PAM: variants seen among roughly 807,000 people sequenced by gnomAD.
PAM encodes the protein peptidylglycine alpha-amidating monooxygenase.
Under a neutral mutation model 122.1 loss-of-function variants are expected in PAM, and 72 were observed. The observed-to-expected ratio is 0.59, with a 90% CI of 0.49 to 0.72. The LOEUF (loss-of-function observed/expected upper bound fraction) is 0.72, where lower values mean the gene tolerates loss of function less well. Among genes scored for constraint, PAM ranks in the 30% least tolerant of loss-of-function variants. PAM has a pLI of 0.00. For missense variants in PAM, 1,106 were observed against 1,183.7 expected, an observed-to-expected ratio of 0.93 and a Z score of 0.96; for synonymous variants, 389 against 404.4, an observed-to-expected ratio of 0.96 and a Z score of 0.46.
chr5:102,988,783 G>C (rs571715035), intron 15 of PAM, among the ~76,000 whole-genome samples: 1 of 152,102 alleles, frequency 6.6e-6, no homozygotes, highest in East Asian at 1.9e-4. Flanking sequence ...ACTAATCTGG[G>C]CATCCTATTG....
intron 4 of PAM, among the ~76,000 whole-genome samples, chr5:102,904,983 GTATT>G (rs1375042121): frequency 6.6e-6 from 1 of 151,492 alleles, no homozygotes; most frequent in Non-Finnish European, 1.5e-5. Flanking sequence ...CTATATATCT[GTATT>G]TAATTATTGA....
Position 102,974,322 on chromosome 5 carries a change from A to G in PAM, c.1369A>G (p.Arg457Gly). The G allele has an allele frequency of 1.2e-6, 2 of 1,613,942 alleles. No homozygotes were observed. Among genetic ancestry groups the G allele is most frequent in the Non-Finnish European group, 1.7e-6 (2 of 1,179,804 alleles). ...GGGTAATGCTATTCTTGTCAGAGAC[A>G]GAATTCACAAATTCCACAGACTAGT... ...ERGNAILVRDRIHKFHRLVST... is the reference protein window; with the variant it reads ...ERGNAILVRDGIHKFHRLVST... The change falls in exon 15 of 26, where the codon AGA (arginine) becomes GGA (glycine). Residue 457 changes from arginine to glycine, a missense_variant. By Grantham distance (125) the Arg-to-Gly change is moderately radical. Coordinates refer to ENST00000438793, the MANE Select transcript of PAM (RefSeq NM_001177306.2).
intron 3 of PAM, among the ~76,000 whole-genome samples, chr5:102,885,640 A>G (rs1792813523): frequency 6.6e-6 from 1 of 151,986 alleles, no homozygotes; most frequent in South Asian, 2.1e-4. Flanking sequence ...AATGGAGAAA[A>G]TTGTGGCCAG....
At chr5:102,912,032 ACT>A (rs1801564196) in intron 4 of PAM, among the ~76,000 whole-genome samples, 1 of 152,094 alleles carries the variant, frequency 6.6e-6, no homozygotes, top group Non-Finnish European at 1.5e-5. Flanking sequence ...CAGAATTCTG[ACT>A]CTCTGCTGGA....
intron 1 of PAM, among the ~76,000 whole-genome samples, chr5:102,811,736 A>G (rs923453425): frequency 1.3e-5 from 2 of 152,232 alleles, no homozygotes; most frequent in Admixed American, 6.5e-5. Context: ...AAATTAAACT[A>G]GTGATTGCCA....
intron 1 of PAM, among the ~76,000 whole-genome samples, chr5:102,859,335 AG>A (rs1783472593): frequency 4.9e-5 from 7 of 142,314 alleles, no homozygotes; most frequent in African/African-American, 1.8e-4. Context: ...GGCCCAGGCT[AG>A]TGTGTGTGTG....
At chr5:102,970,374 A>G (rs1420281581) in intron 14 of PAM, among the ~76,000 whole-genome samples, 1 of 152,216 alleles carries the variant, frequency 6.6e-6, no homozygotes, top group South Asian at 2.1e-4. Flanking sequence ...CAGTGCAGAC[A>G]TAGATTACAT....
At chr5:102,864,985 G>A (rs184768914) in intron 1 of PAM, among the ~76,000 whole-genome samples, 5 of 152,090 alleles carry the variant, frequency 3.3e-5, no homozygotes, top group Non-Finnish European at 7.4e-5. Flanking sequence ...CCTCTCATTT[G>A]TATTAATGTG....
At chr5:102,760,186 C>G (rs1751887344) in intron 1 of PAM, among the ~76,000 whole-genome samples, 1 of 152,152 alleles carries the variant, frequency 6.6e-6, no homozygotes, top group Non-Finnish European at 1.5e-5. Context: ...GTTTTACTGT[C>G]CAGTTTAAAA....
intron 20 of PAM, among the ~76,000 whole-genome samples, chr5:103,009,535 C>T (rs140136494): frequency 1.2e-4 from 19 of 152,142 alleles, no homozygotes; most frequent in African/African-American, 4.6e-4. Context: ...TTTCAGTTCC[C>T]GATTTTCCTG....
chr5:102,874,451 G>A (rs1052365109), intron 3 of PAM, among the ~76,000 whole-genome samples: 1 of 151,148 alleles, frequency 6.6e-6, no homozygotes, highest in Non-Finnish European at 1.5e-5. Flanking sequence ...GGGAAGATAC[G>A]ATTGAACTAT....
At chr5:102,760,825 G>C (rs1752102399) in intron 1 of PAM, among the ~76,000 whole-genome samples, 1 of 152,154 alleles carries the variant, frequency 6.6e-6, no homozygotes, top group South Asian at 2.1e-4. Context: ...CTTAGTTCAG[G>C]CCTCTTGGGG....
intron 1 of PAM, among the ~76,000 whole-genome samples, chr5:102,759,858 A>G (rs1305336817): frequency 1.3e-5 from 2 of 152,198 alleles, no homozygotes; most frequent in African/African-American, 4.8e-5. Flanking sequence ...GATGCAGTCT[A>G]GCTACTGTAT....
intron 1 of PAM, among the ~76,000 whole-genome samples, chr5:102,782,725 CTGTGTGTGTGTGTGTG>C (rs35149404): frequency 1.4e-5 from 2 of 140,122 alleles, no homozygotes; most frequent in Non-Finnish European, 3.1e-5. Flanking sequence ...CTCTCTCTCT[CTGTGTGTGTGTGTGTG>C]TGTGTGTGTG....
At chr5:102,941,616 T>C (rs2151904139) in intron 7 of PAM, among the ~76,000 whole-genome samples, 1 of 152,248 alleles carries the variant, frequency 6.6e-6, no homozygotes, top group East Asian at 1.9e-4. Flanking sequence ...TATCTCGATG[T>C]ATCTGTAACT....
intron 11 of PAM, 135 bp downstream of exon 11, chr5:102,950,113 A>G (rs1758312411): frequency 1.7e-6 from 1 of 583,410 alleles, no homozygotes; most frequent in South Asian, 2.6e-5. Context: ...ACTGAGCTGT[A>G]TAACCTCCTT....
At chr5:102,924,319 G>A (rs1028510884) in intron 5 of PAM, among the ~76,000 whole-genome samples, 1 of 151,546 alleles carries the variant, frequency 6.6e-6, no homozygotes, top group African/African-American at 2.4e-5. Flanking sequence ...TGTAATCCCA[G>A]CTACTCAGGA....
chr5:102,813,604 G>A (rs1768647199), intron 1 of PAM, among the ~76,000 whole-genome samples: 1 of 152,066 alleles, frequency 6.6e-6, no homozygotes, highest in Non-Finnish European at 1.5e-5. Context: ...AAATGAGGGC[G>A]AAACTTGCAG....
At position 102,787,433 on chromosome 5, in the gene PAM, T is replaced by TCC. The variant is rs1194054273; in HGVS notation, c.-374+32087_-374+32088dup. Among the ~76,000 whole-genome samples the TCC allele has an allele frequency of 2.6e-5, 4 of 152,070 alleles. No homozygotes were observed. In the East Asian group the frequency reaches 5.8e-4, roughly 22 times the overall value. On this transcript the variant is annotated intron_variant, in intron 1 of 25. Coordinates refer to ENST00000438793, the MANE Select transcript of PAM (RefSeq NM_001177306.2). ...TATCCCAACTATGGGGACAGATCTG[T>TCC]CCCAACTGTGGGGACAAAACTGCCT...
Sources: gnomAD v4.1 joint callset for allele counts (sites outside exome capture counted in the v4.1 genomes callset) on GRCh38, gnomAD v4.1.1 for gene constraint, MANE v1.5 for transcripts, NCBI Gene and HGNC (gene_info 2026-07-23, HGNC 2026-07-21) for gene names.